GNAO1: variants seen among roughly 807,000 people sequenced by gnomAD.
GNAO1 encodes guanine nucleotide-binding protein G(o) subunit alpha.
For synonymous variants in GNAO1, 164 were observed against 180.7 expected, an observed-to-expected ratio of 0.91 and a Z score of 0.74; for missense variants, 166 against 478.7, an observed-to-expected ratio of 0.35 and a Z score of 6.10.
At chr16:56,297,898 C>T (rs1018440170) in intron 3 of GNAO1, among the ~76,000 whole-genome samples, 23 of 152,180 alleles carry the variant, frequency 1.5e-4, no homozygotes, top group Non-Finnish European at 3.1e-4. Context: ...AGTGGGAGTG[C>T]TGGCTCACGC....
chr16:56,344,245 G>A, intron 6 of GNAO1: 1 of 1,346,930 alleles, frequency 7.4e-7, no homozygotes, highest in Non-Finnish European at 9.6e-7. Context: ...GACAGGGCAG[G>A]GCCCAGATGG....
chr16:56,328,289 A>G (rs573169539), intron 3 of GNAO1, among the ~76,000 whole-genome samples: 2 of 152,304 alleles, frequency 1.3e-5, no homozygotes, highest in East Asian at 3.9e-4. Context: ...TGGAGAGCAG[A>G]GCCAGGCCCA....
At chr16:56,345,163 C>A (rs1028776620) in intron 6 of GNAO1, 2 of 985,878 alleles carry the variant, frequency 2.0e-6, no homozygotes, top group Non-Finnish European at 2.4e-6. Flanking sequence ...GTGACGGTGA[C>A]GCAGGTCTGG....
intron 3 of GNAO1, among the ~76,000 whole-genome samples, chr16:56,317,276 AC>A (rs1171912336): frequency 6.6e-6 from 1 of 152,036 alleles, no homozygotes; most frequent in Non-Finnish European, 1.5e-5. Flanking sequence ...ACAGTCACAG[AC>A]CCCTGACACA....
intron 2 of GNAO1, among the ~76,000 whole-genome samples, chr16:56,264,876 G>T (rs1221620198): frequency 6.6e-6 from 1 of 151,062 alleles, no homozygotes; most frequent in Non-Finnish European, 1.5e-5. Flanking sequence ...TTACTAAAGT[G>T]GTCATAATTA....
At chr16:56,330,058 G>C (rs932083487) in intron 4 of GNAO1, among the ~76,000 whole-genome samples, 1 of 152,242 alleles carries the variant, frequency 6.6e-6, no homozygotes, top group South Asian at 2.1e-4. Context: ...GCAGCCAACA[G>C]ACTAGGGACT....
chr16:56,264,193 CT>C (rs1443265716), intron 2 of GNAO1, among the ~76,000 whole-genome samples: 2 of 152,232 alleles, frequency 1.3e-5, no homozygotes, highest in Non-Finnish European at 2.9e-5. Flanking sequence ...GATGGCCAAT[CT>C]GCATAAGAAT....
At chr16:56,325,754 A>G (rs1337259849) in intron 3 of GNAO1, among the ~76,000 whole-genome samples, 2 of 152,108 alleles carry the variant, frequency 1.3e-5, no homozygotes, top group Non-Finnish European at 2.9e-5. Flanking sequence ...GGCAGAAACT[A>G]ACGGGATAGG....
intron 3 of GNAO1, among the ~76,000 whole-genome samples, chr16:56,288,026 A>G (rs970292220): frequency 2.0e-5 from 3 of 152,112 alleles, no homozygotes; most frequent in Non-Finnish European, 2.9e-5. Context: ...CTACTGCTCC[A>G]TTCCTTTTCA....
intron 3 of GNAO1, among the ~76,000 whole-genome samples, chr16:56,324,099 A>G (rs918159081): frequency 3.3e-5 from 5 of 152,208 alleles, no homozygotes; most frequent in African/African-American, 9.7e-5. Flanking sequence ...CCCCTGGGCT[A>G]TCTGCTGGAG....
intron 3 of GNAO1, among the ~76,000 whole-genome samples, chr16:56,284,123 C>T (rs1393381272): frequency 6.6e-6 from 1 of 152,224 alleles, no homozygotes; most frequent in Non-Finnish European, 1.5e-5. Flanking sequence ...CACTCAATTA[C>T]TTATTACTTA....
intron 2 of GNAO1, among the ~76,000 whole-genome samples, chr16:56,247,482 GTTTTT>G (rs61650674): frequency 8.7e-4 from 104 of 119,674 alleles, no homozygotes; most frequent in East Asian, 6.8e-3. Flanking sequence ...TTAGGGTGAG[GTTTTT>G]TTTTTTTTTT....
intron 2 of GNAO1, chr16:56,193,795 C>A: frequency 3.3e-6 from 1 of 304,952 alleles, no homozygotes; most frequent in Non-Finnish European, 6.5e-6. Context: ...CCTGTCAGTT[C>A]GAGACGGAGG....
chr16:56,244,057 G>A (rs1045868066), intron 2 of GNAO1, among the ~76,000 whole-genome samples: 17 of 152,186 alleles, frequency 1.1e-4, no homozygotes, highest in African/African-American at 3.4e-4. Context: ...CTGGTACAGC[G>A]GAGGCAGAAT....
chr16:56,267,923 T>C (rs1311419406), intron 2 of GNAO1, among the ~76,000 whole-genome samples: 1 of 147,318 alleles, frequency 6.8e-6, no homozygotes, highest in Non-Finnish European at 1.5e-5. Flanking sequence ...CTCTAAATTA[T>C]TGGGAGCTGG....
intron 3 of GNAO1, chr16:56,301,621 G>A (rs1195885828): frequency 6.6e-6 from 1 of 152,078 alleles, no homozygotes; most frequent in African/African-American, 2.4e-5. Flanking sequence ...TTTTTCAGTT[G>A]CATTTTTTTT....
At position 56,299,597 on chromosome 16, in the gene GNAO1, G is replaced by A. The variant is rs184125413; in HGVS notation, c.303+23525G>A. Reference sequence around the variant, plus strand: ...GTCTCTGAATCATTTTTTCCAATAAGCTGTTGATTGTCTGTTGAATAATTC... The same window carrying A: ...GTCTCTGAATCATTTTTTCCAATAAACTGTTGATTGTCTGTTGAATAATTC... On this transcript the variant is annotated intron_variant, in intron 3 of 8. Coordinates refer to ENST00000262493, the MANE Select transcript of GNAO1 (RefSeq NM_020988.3). Among the ~76,000 whole-genome samples the A allele has an allele frequency of 2.8e-3, 431 of 151,934 alleles. 5 individuals are homozygous for A. Among genetic ancestry groups the A allele is most frequent in the Admixed American group, 9.3e-3 (142 of 15,260 alleles).
intron 4 of GNAO1, 115 bp from the exon 5 acceptor site, chr16:56,334,614 A>G (rs2143660119): frequency 9.0e-7 from 1 of 1,112,378 alleles, no homozygotes; most frequent in South Asian, 1.5e-5. Flanking sequence ...TGTCTTTTCC[A>G]CAGTGACCTG....
At chr16:56,287,312 G>C (rs1468424981) in intron 3 of GNAO1, among the ~76,000 whole-genome samples, 3 of 152,248 alleles carry the variant, frequency 2.0e-5, no homozygotes, top group Non-Finnish European at 4.4e-5. Context: ...AAGCTGGGGA[G>C]GCACTGCCCC....
Sources: allele counts gnomAD v4.1 joint callset (sites outside exome capture counted in the v4.1 genomes callset), GRCh38; gene constraint gnomAD v4.1.1; transcripts MANE v1.5; gene names NCBI Gene and HGNC (gene_info 2026-07-23, HGNC 2026-07-21).